Variants in STK32B observed in about 807,000 individuals in gnomAD.
The protein encoded by STK32B is serine/threonine-protein kinase 32B.
STK32B carries 43 observed loss-of-function variants against 52.6 expected under a neutral mutation model. The ratio of observed to expected loss-of-function variants is 0.82; its 90% CI spans 0.64 to 1.05. The LOEUF is 1.05. Ranked by LOEUF, STK32B falls within the 50% of genes least tolerant of loss-of-function variation. The pLI, the probability that STK32B is intolerant of heterozygous loss-of-function variation, is 0.00. For missense variants in STK32B, 621 were observed against 534.6 expected, an observed-to-expected ratio of 1.16 and a Z score of -1.59; for synonymous variants, 238 against 204.3, an observed-to-expected ratio of 1.17 and a Z score of -1.41.
intron 3 of STK32B, among the ~76,000 whole-genome samples, chr4:5,218,976 C>G (rs1469867583): frequency 1.3e-5 from 2 of 152,110 alleles, no homozygotes; most frequent in Admixed American, 6.5e-5. Flanking sequence ...ACTCATATTC[C>G]CAATGCTGCC....
intron 6 of STK32B, among the ~76,000 whole-genome samples, chr4:5,440,913 AT>A (rs1220912576): frequency 1.3e-5 from 2 of 150,898 alleles, no homozygotes; most frequent in Non-Finnish European, 3.0e-5. Flanking sequence ...ACATTTATTG[AT>A]TTGTGTATAT....
Position 5,319,286 on chromosome 4 carries a change from A to C in STK32B, c.261-11934A>C, listed in dbSNP as rs1220501223. Among the ~76,000 whole-genome samples the C allele has an allele frequency of 2.6e-5, 4 of 152,282 alleles. No individual in the cohort carries two copies. The East Asian group carries it at 7.7e-4, about 29-fold the overall frequency. ...TTGCCTCCAGAGCCTGTACACTTCA[A>C]AAGGGTTTGTGTGCTCTCCTGAATA... On this transcript the variant is annotated intron_variant, in intron 3 of 11. Transcript: ENST00000282908.
At chr4:5,281,452 A>C (rs907656054) in intron 3 of STK32B, among the ~76,000 whole-genome samples, 1 of 152,122 alleles carries the variant, frequency 6.6e-6, no homozygotes, top group Non-Finnish European at 1.5e-5. Context: ...GGTTGGGGGC[A>C]AAGGGTTGGG....
At chr4:5,462,715 G>A (rs1717132048) in intron 9 of STK32B, among the ~76,000 whole-genome samples, 1 of 152,140 alleles carries the variant, frequency 6.6e-6, no homozygotes, top group Non-Finnish European at 1.5e-5. Flanking sequence ...ACTCTGGGAT[G>A]GGGGACTGTC....
At chr4:5,335,106 C>G (rs917973461) in intron 4 of STK32B, among the ~76,000 whole-genome samples, 1 of 152,142 alleles carries the variant, frequency 6.6e-6, no homozygotes, top group Admixed American at 6.5e-5. Context: ...CCATCTGGTC[C>G]TGGACTCTTT....
At chr4:5,439,954 T>C (rs972834998) in intron 6 of STK32B, among the ~76,000 whole-genome samples, 4 of 152,228 alleles carry the variant, frequency 2.6e-5, no homozygotes, top group Admixed American at 2.0e-4. Flanking sequence ...TTGTGTTCCA[T>C]TGATCTATAT....
At chr4:5,345,010 C>T (rs1035369939) in intron 4 of STK32B, among the ~76,000 whole-genome samples, 9 of 151,552 alleles carry the variant, frequency 5.9e-5, no homozygotes, top group African/African-American at 1.7e-4. Context: ...TGCTGCACTC[C>T]AGCCTGGGTG....
chr4:5,340,599 G>A (rs1373779075), intron 4 of STK32B, among the ~76,000 whole-genome samples: 1 of 152,186 alleles, frequency 6.6e-6, no homozygotes, highest in African/African-American at 2.4e-5. Context: ...TCCTAGAAGT[G>A]CATCCCAAGA....
chr4:5,303,037 TA>T (rs1729670969), intron 3 of STK32B, among the ~76,000 whole-genome samples: 1 of 151,982 alleles, frequency 6.6e-6, no homozygotes. Context: ...TGTGTGTGTA[TA>T]TATATGTATG....
At chr4:5,106,344 T>C (rs1330798270) in intron 1 of STK32B, among the ~76,000 whole-genome samples, 2 of 152,210 alleles carry the variant, frequency 1.3e-5, no homozygotes, top group Non-Finnish European at 2.9e-5. Flanking sequence ...ATCCTTGTCT[T>C]GTTCTTTATG....
intron 3 of STK32B, among the ~76,000 whole-genome samples, chr4:5,319,608 C>G (rs984893062): frequency 6.6e-6 from 1 of 152,212 alleles, no homozygotes; most frequent in East Asian, 1.9e-4. Context: ...GCTCACCACT[C>G]CTCTCAGCCT....
rs1464844815 is a variant in STK32B at position 5,386,170 on chromosome 4, G to T, written c.435-12037G>T. On this transcript the variant is annotated intron_variant, in intron 4 of 11. Transcript: ENST00000282908. The surrounding 1 kb of genome is among the most constrained non-coding windows in gnomAD (Gnocchi z 4.5). ...TGTACTCCCTGGACTCTTCCCAGCC[G>T]TCTGTCTCTCACACAGCACCCTCAC... 6.6e-6 allele frequency among the ~76,000 whole-genome samples: 1 copy of T among 151,536 alleles called. No homozygotes were observed. Among genetic ancestry groups the T allele is most frequent in the African/African-American group, 2.4e-5 (1 of 41,150 alleles).
chr4:5,127,218 G>A (rs796274654), intron 1 of STK32B: 39 of 456,722 alleles, frequency 8.5e-5, no homozygotes, highest in African/African-American at 5.2e-4. Flanking sequence ...ACAGTTGAGC[G>A]TCCCAGAAAA....
intron 7 of STK32B, among the ~76,000 whole-genome samples, chr4:5,454,504 C>T (rs1716320055): frequency 6.6e-6 from 1 of 152,084 alleles, no homozygotes; most frequent in African/African-American, 2.4e-5. Context: ...TTAGGACCAA[C>T]TCTAATGACT....
rs1731070351 is a variant in STK32B at position 5,317,227 on chromosome 4, TATATAACATATATATATTATATATAAC to T, written c.261-13976_261-13950del. 1.5e-4 allele frequency among the ~76,000 whole-genome samples: 7 copies of T among 46,502 alleles called. 1 individual carries two copies. Among genetic ancestry groups the T allele is most frequent in the Admixed American group, 3.9e-4 (1 of 2,546 alleles). The allele number at this position is 46,502 out of a possible 152,430, so 30.5% of individuals were successfully genotyped here. A position where few individuals can be genotyped will look rare whatever the true frequency, so the allele number is the denominator to read the frequency against. On this transcript the variant is annotated intron_variant, in intron 3 of 11. Transcript: ENST00000282908. Reference sequence around the variant, plus strand: ...TTATATATATAACATATATATATTATATATAACATATATATATTATATATAACATATAACATATATATAATATATAAC... The same window carrying T: ...TTATATATATAACATATATATATTATATATAACATATATATAATATATAAC...
chr4:5,250,510 G>A lies in STK32B; in HGVS notation c.261-80710G>A, dbSNP rs190091891. Among the ~76,000 whole-genome samples, 684 of 151,884 alleles carry A rather than the reference G, an allele frequency of 4.5e-3. 2 individuals carry two copies. The highest frequency in any genetic ancestry group is 0.015 in the African/African-American group (623 of 41,446). ...GTAGTTTTAGTAGAGAGGAGGTTTC[G>A]CCATATTGGCCAGGCTGGTTTCAAA... On this transcript the variant is annotated intron_variant, in intron 3 of 11. Transcript: ENST00000282908.
chr4:5,094,216 C>T (rs1450453451), intron 1 of STK32B, among the ~76,000 whole-genome samples: 3 of 152,060 alleles, frequency 2.0e-5, no homozygotes, highest in African/African-American at 7.2e-5. Flanking sequence ...AAAAGGAAGG[C>T]GAAGGATCTA....
intron 3 of STK32B, among the ~76,000 whole-genome samples, chr4:5,179,192 G>T (rs893174312): frequency 6.6e-6 from 1 of 152,216 alleles, no homozygotes; most frequent in Non-Finnish European, 1.5e-5. Flanking sequence ...AGTGCCAGTG[G>T]GGAAAATGCC....
intron 3 of STK32B, among the ~76,000 whole-genome samples, chr4:5,235,722 G>C (rs75142370): frequency 0.027 from 4,066 of 152,300 alleles, 168 homozygotes; most frequent in African/African-American, 0.092. Flanking sequence ...GCTAAAAATA[G>C]AGTCTTCGAT....
Sources: gnomAD v4.1 joint callset for allele counts (sites outside exome capture counted in the v4.1 genomes callset) on GRCh38, gnomAD v4.1.1 for gene constraint, Gnocchi (gnomAD v3.1) non-coding constraint, MANE v1.5 for transcripts, NCBI Gene and HGNC (gene_info 2026-07-23, HGNC 2026-07-21) for gene names.